The following CACNA1D variants were observed in gnomAD, a reference collection of about 807,000 sequenced individuals.
The protein encoded by CACNA1D is calcium voltage-gated channel subunit alpha1 D, also known as voltage-dependent L-type calcium channel subunit alpha-1D.
A neutral mutation model predicts 257.1 loss-of-function variants in CACNA1D; 55 were observed. The ratio of observed to expected loss-of-function variants is 0.21; its 90% CI spans 0.17 to 0.27. The LOEUF is 0.27. Among genes scored for constraint, CACNA1D ranks in the 10% least tolerant of loss-of-function variants. The probability of loss-of-function intolerance (pLI) is 1.00; values close to 1 mark genes in which losing one functional copy is unlikely to be tolerated. For missense variants in CACNA1D, 1,876 were observed against 2,784.0 expected (o/e 0.67, Z 7.34); for synonymous variants, 980 against 1,014.9 (o/e 0.97, Z 0.65).
At chr3:53,733,034 C>A in intron 19 of CACNA1D, 72 bp downstream of exon 19, 1 of 1,507,908 alleles carries the variant, frequency 6.6e-7, no homozygotes, top group Non-Finnish European at 9.2e-7. Context: ...GAGGGTGGCT[C>A]GGGTGGGGGT....
intron 3 of CACNA1D, among the ~76,000 whole-genome samples, chr3:53,550,160 A>C (rs1334945838): frequency 6.6e-6 from 1 of 152,072 alleles, no homozygotes; most frequent in African/African-American, 2.4e-5. Flanking sequence ...AGAGCTGGGG[A>C]TGCCCTTCCA....
chr3:53,554,940 T>A (rs1424753117), intron 3 of CACNA1D, among the ~76,000 whole-genome samples: 1 of 152,212 alleles, frequency 6.6e-6, no homozygotes, highest in African/African-American at 2.4e-5. Context: ...CTCTCATACA[T>A]TGACTTAATC....
rs148428333 is a variant in CACNA1D, at chr3:53,753,643, C to T, written c.3747C>T (p.Thr1249=). 1.1e-5 allele frequency: 18 copies of T among 1,613,260 alleles called. No individual in the cohort carries two copies. The African/African-American group carries it at 1.9e-4, about 17-fold the overall frequency. Residue 1249 remains threonine (T), a synonymous_variant, in exon 29 of 48, where the codon ACC becomes ACT. Coordinates refer to ENST00000350061, the MANE Select transcript of CACNA1D (RefSeq NM_001128840.3). ...ILNMVFTGVF[T]VEMVLKVIAF... Reference sequence around the variant, plus strand: ...ACATGGTCTTCACCGGGGTGTTCACCGTCGAGATGGTTTTGAAAGTCATCG... The same window carrying T: ...ACATGGTCTTCACCGGGGTGTTCACTGTCGAGATGGTTTTGAAAGTCATCG...
chr3:53,630,444 A>G (rs913727886), intron 3 of CACNA1D, among the ~76,000 whole-genome samples: 2 of 152,058 alleles, frequency 1.3e-5, no homozygotes, highest in African/African-American at 2.4e-5. Flanking sequence ...GGAAGAAACA[A>G]CTCTTTCTTT....
In CACNA1D at chr3:53,513,999, A is replaced by G. The variant is rs191247476; in HGVS notation, c.483+12279A>G. On this transcript the variant is annotated intron_variant, in intron 3 of 47. Coordinates refer to ENST00000350061, the MANE Select transcript of CACNA1D (RefSeq NM_001128840.3). ...CACTCCGTGTTCACACAGTGATGAAATTGCCTAACAATGCACTTTTCAGGA... is the reference window on the plus strand; with the variant it reads ...CACTCCGTGTTCACACAGTGATGAAGTTGCCTAACAATGCACTTTTCAGGA... 5.1e-4 allele frequency among the ~76,000 whole-genome samples: 78 copies of G among 152,266 alleles called. 1 individual carries two copies. In the East Asian group the frequency reaches 0.011, roughly 22 times the overall value.
chr3:53,678,266 G>A (rs1295671263), intron 8 of CACNA1D, among the ~76,000 whole-genome samples: 1 of 152,064 alleles, frequency 6.6e-6, no homozygotes, highest in Non-Finnish European at 1.5e-5. Flanking sequence ...CTTTGGTTTT[G>A]GCAACAACTT....
intron 3 of CACNA1D, among the ~76,000 whole-genome samples, chr3:53,644,578 T>C (rs1049167824): frequency 6.6e-6 from 1 of 152,232 alleles, no homozygotes; most frequent in African/African-American, 2.4e-5. Context: ...GTATTTGCCT[T>C]TCTGTGCCTG....
chr3:53,693,460 TA>T (rs1394538832), intron 8 of CACNA1D, among the ~76,000 whole-genome samples: 37 of 128,034 alleles, frequency 2.9e-4, no homozygotes, highest in African/African-American at 1.1e-3. Context: ...ACATTGCTGT[TA>T]TTTTTTTTTT....
chr3:53,508,380 A>C (rs1418140175), intron 3 of CACNA1D, among the ~76,000 whole-genome samples: 3 of 152,066 alleles, frequency 2.0e-5, no homozygotes, highest in Non-Finnish European at 4.4e-5. Flanking sequence ...TACATAGGTA[A>C]ACACAAGTCG....
chr3:53,703,482 GTGTCTCT>G (rs1296929326), intron 9 of CACNA1D, among the ~76,000 whole-genome samples: 1 of 152,186 alleles, frequency 6.6e-6, no homozygotes, highest in Non-Finnish European at 1.5e-5. Context: ...GTCAACCACG[GTGTCTCT>G]TTCACTGCAT....
intron 3 of CACNA1D, among the ~76,000 whole-genome samples, chr3:53,550,671 A>T (rs975907804): frequency 2.0e-5 from 3 of 152,174 alleles, no homozygotes; most frequent in African/African-American, 7.2e-5. Flanking sequence ...TGTAGACTTG[A>T]GTTTCTCTCT....
At chr3:53,648,545 G>A (rs546312712) in intron 3 of CACNA1D, among the ~76,000 whole-genome samples, 3 of 152,250 alleles carry the variant, frequency 2.0e-5, no homozygotes, top group South Asian at 2.1e-4. Context: ...CAGCAGCCAC[G>A]CCTCGCATGC....
intron 3 of CACNA1D, among the ~76,000 whole-genome samples, chr3:53,551,661 C>G (rs1559828758): frequency 1.3e-5 from 2 of 152,230 alleles, no homozygotes; most frequent in African/African-American, 4.8e-5. Flanking sequence ...TCTCATGGCT[C>G]TTTGCCATCC....
Position 53,800,295 on chromosome 3 carries a change from C to G in CACNA1D, c.4970C>G (p.Ala1657Gly). Residue 1657 changes from alanine to glycine, a missense_variant, in exon 41 of 48, where the codon GCT becomes GGT. By Grantham distance (60) the Ala-to-Gly change is moderately conservative (BLOSUM62 0). Coordinates refer to ENST00000350061, the MANE Select transcript of CACNA1D (RefSeq NM_001128840.3). This position sits in a 1 kb window ranked among gnomAD's most constrained non-coding sequence, Gnocchi z 4.3. ...LHDIGPEIRR[A>G]ISCDLQDDEP... Reference sequence around the variant, plus strand: ...GACATTGGGCCAGAAATCCGGCGTGCTATATCGTGTGATTTGCAAGATGAC... The same window carrying G: ...GACATTGGGCCAGAAATCCGGCGTGGTATATCGTGTGATTTGCAAGATGAC... 1 of 1,614,054 alleles carries G rather than the reference C, an allele frequency of 6.2e-7. No homozygotes were observed. The highest frequency in any genetic ancestry group is 1.1e-5 in the South Asian group (1 of 91,084).
intron 8 of CACNA1D, among the ~76,000 whole-genome samples, chr3:53,691,594 T>TA (rs1292062808): frequency 6.7e-6 from 1 of 148,222 alleles, no homozygotes; most frequent in Non-Finnish European, 1.5e-5. Context: ...AACAAGGAGA[T>TA]ACAGTGAAAG....
intron 3 of CACNA1D, among the ~76,000 whole-genome samples, chr3:53,520,317 T>G (rs932172298): frequency 1.3e-5 from 2 of 152,248 alleles, no homozygotes; most frequent in African/African-American, 4.8e-5. Context: ...TTGTCTATCT[T>G]TTTAATTATA....
chr3:53,764,605 A>G (rs148456941), intron 30 of CACNA1D, among the ~76,000 whole-genome samples: 201 of 152,164 alleles, frequency 1.3e-3, no homozygotes, highest in South Asian at 0.013. Context: ...GCACCCATGT[A>G]CTCAGGGACA....
intron 3 of CACNA1D, among the ~76,000 whole-genome samples, chr3:53,546,817 C>G (rs1387196945): frequency 1.3e-5 from 2 of 152,208 alleles, no homozygotes; most frequent in African/African-American, 4.8e-5. Context: ...TCTCCTGAAT[C>G]TCAGTGTTTT....
intron 8 of CACNA1D, among the ~76,000 whole-genome samples, chr3:53,696,141 A>G (rs1306510906): frequency 1.3e-5 from 2 of 152,066 alleles, no homozygotes; most frequent in African/African-American, 2.4e-5. Context: ...CTTAAAAAAA[A>G]TTATTTTGTA....
Sources: allele counts gnomAD v4.1 joint callset (sites outside exome capture counted in the v4.1 genomes callset), GRCh38; gene constraint gnomAD v4.1.1; non-coding constraint Gnocchi (gnomAD v3.1); transcripts MANE v1.5; gene names NCBI Gene and HGNC (gene_info 2026-07-23, HGNC 2026-07-21).